The following TPTE2 variants were observed in gnomAD, a reference collection of about 807,000 sequenced individuals.
TPTE2 encodes the protein transmembrane phosphoinositide 3-phosphatase and tensin homolog 2.
TPTE2 carries 53 observed loss-of-function variants against 78.6 expected under a neutral mutation model. The observed-to-expected ratio is 0.67, with a 90% CI of 0.54 to 0.85. The LOEUF (loss-of-function observed/expected upper bound fraction) is 0.85. Among genes scored for constraint, TPTE2 ranks in the 40% least tolerant of loss-of-function variants. The pLI is 0.00. For synonymous variants in TPTE2, 175 were observed against 206.2 expected (o/e 0.85, Z 1.30); for missense variants, 461 against 623.0 (o/e 0.74, Z 2.77).
chr13:19,554,064 T>C, the TPTE2 span, among the ~76,000 whole-genome samples: 1 of 152,174 alleles, frequency 6.6e-6, no homozygotes, highest in East Asian at 1.9e-4. Context: ...TTTTTCTGTG[T>C]GATCTCACTT....
chr13:19,503,154 C>G (rs1326205095), intron 1 of TPTE2, 70 bp downstream of exon 4: 8 of 1,603,926 alleles, frequency 5.0e-6, no homozygotes, highest in Middle Eastern at 1.7e-4. Context: ...TGTTTATGTG[C>G]CTGTGTGTGT....
chr13:19,458,439 C>T (rs1227382125), intron 10 of TPTE2: 2 of 401,688 alleles, frequency 5.0e-6, no homozygotes, highest in Admixed American at 2.8e-5. Context: ...GCTATCAAGT[C>T]TGCCCTTTCT....
At chr13:19,495,851 TTTG>T (rs1044711774) in intron 1 of TPTE2, among the ~76,000 whole-genome samples, 10 of 152,114 alleles carry the variant, frequency 6.6e-5, no homozygotes, top group Admixed American at 2.6e-4. Context: ...TTTTGTTTTT[TTTG>T]TTGTTGTTGT....
intron 1 of TPTE2, among the ~76,000 whole-genome samples, chr13:19,528,912 G>C (rs1870692267): frequency 6.6e-6 from 1 of 152,004 alleles, no homozygotes; most frequent in Non-Finnish European, 1.5e-5. Context: ...CTGAGGTCAG[G>C]AGTTCAAGAC....
chr13:19,445,927 T>C (rs914442573), intron 13 of TPTE2, among the ~76,000 whole-genome samples: 8 of 152,154 alleles, frequency 5.3e-5, no homozygotes, highest in African/African-American at 1.9e-4. Flanking sequence ...GGTGACAGAG[T>C]GAGACCTTAT....
intron 1 of TPTE2, 144 bp from the exon 5 acceptor site, chr13:19,493,645 C>T (rs2451097): frequency 1.3e-6 from 1 of 782,582 alleles, no homozygotes; most frequent in Non-Finnish European, 2.2e-6. Context: ...CCTGGAATGT[C>T]TATTTTTCTT....
At chr13:19,440,960 A>G (rs1593355584) in intron 13 of TPTE2, among the ~76,000 whole-genome samples, 1 of 149,026 alleles carries the variant, frequency 6.7e-6, no homozygotes. Flanking sequence ...GGTGGCAGGC[A>G]CTTGTAATCC....
At chr13:19,423,128 A>C in exon 20 of TPTE2, 1 of 1,611,750 alleles carries the variant, frequency 6.2e-7, no homozygotes, top group South Asian at 1.1e-5. Flanking sequence ...CTTTTTGTTT[A>C]TGTGGATTAT....
At chr13:19,435,872 A>T (rs1877047813) in intron 15 of TPTE2, among the ~76,000 whole-genome samples, 1 of 151,998 alleles carries the variant, frequency 6.6e-6, no homozygotes, top group Non-Finnish European at 1.5e-5. Context: ...AAAGACTTGG[A>T]TCTTTTTTAC....
chr13:19,496,260 C>T (rs527456271), intron 1 of TPTE2, among the ~76,000 whole-genome samples: 52 of 152,348 alleles, frequency 3.4e-4, no homozygotes, highest in African/African-American at 1.3e-3. Context: ...TTACCCTACA[C>T]ATCATACTTT....
intron 4 of TPTE2, among the ~76,000 whole-genome samples, chr13:19,477,691 G>C (rs1257050733): frequency 6.6e-6 from 1 of 152,222 alleles, no homozygotes; most frequent in Non-Finnish European, 1.5e-5. Flanking sequence ...ATGAAGGCAT[G>C]AAGAAGTGGC....
At chr13:19,522,627 T>C (rs1210838921) in intron 1 of TPTE2, among the ~76,000 whole-genome samples, 1 of 148,462 alleles carries the variant, frequency 6.7e-6, no homozygotes, top group South Asian at 2.1e-4. Flanking sequence ...TTCTTTTTTT[T>C]TTTTTTTTTC....
chr13:19,435,048 T>C (rs752391730), intron 15 of TPTE2, among the ~76,000 whole-genome samples: 5 of 152,254 alleles, frequency 3.3e-5, no homozygotes, highest in Middle Eastern at 3.2e-3. Flanking sequence ...TTGTAAACGC[T>C]ATAGGATAAA....
At position 19,438,225 on chromosome 13, in the gene TPTE2, C is replaced by T. The variant is rs536637829; in HGVS notation, c.974-72G>A. On this transcript the variant is annotated intron_variant, in intron 13 of 19. Coordinates refer to ENST00000400230, the Ensembl canonical transcript of TPTE2. ...TACACTCAGAAATATTCAAGGAGTG[C>T]ATTTTAACTTGATTTTCTTTCTTTT... 2.1e-5 allele frequency: 32 copies of T among 1,528,028 alleles called. No individual in the cohort carries two copies. The South Asian group carries it at 3.6e-4, about 17-fold the overall frequency. The allele number at this position is 1,528,028 out of a possible 1,614,324, so 94.7% of individuals were successfully genotyped here. A position where few individuals can be genotyped will look rare whatever the true frequency, so the allele number is the denominator to read the frequency against.
chr13:19,483,710 G>A (rs1880491551), intron 3 of TPTE2, among the ~76,000 whole-genome samples: 1 of 152,012 alleles, frequency 6.6e-6, no homozygotes, highest in Non-Finnish European at 1.5e-5. Flanking sequence ...GTTTCTTGAG[G>A]TAGAATTGTT....
intron 1 of TPTE2, among the ~76,000 whole-genome samples, chr13:19,497,450 T>A (rs1309522077): frequency 8.6e-6 from 1 of 116,822 alleles, no homozygotes; most frequent in Non-Finnish European, 1.9e-5. Flanking sequence ...CAGCTGGAGA[T>A]CTGAGAACGG....
intron 3 of TPTE2, among the ~76,000 whole-genome samples, chr13:19,489,562 G>T (rs924575008): frequency 6.7e-6 from 1 of 149,406 alleles, no homozygotes; most frequent in African/African-American, 2.5e-5. Flanking sequence ...CAGTGCTAAA[G>T]AATATATCTA....
At chr13:19,512,479 A>T (rs1045758502) in intron 1 of TPTE2, among the ~76,000 whole-genome samples, 1 of 152,122 alleles carries the variant, frequency 6.6e-6, no homozygotes, top group Non-Finnish European at 1.5e-5. Context: ...ACTTTTAAAC[A>T]TTTTTGGCAT....
intron 1 of TPTE2, among the ~76,000 whole-genome samples, chr13:19,529,720 C>T (rs532267014): frequency 1.6e-4 from 25 of 152,260 alleles, no homozygotes; most frequent in African/African-American, 5.8e-4. Context: ...ATCACCAATC[C>T]TTGGATTACT....
Sources: gnomAD v4.1 joint callset for allele counts (sites outside exome capture counted in the v4.1 genomes callset) on GRCh38, gnomAD v4.1.1 for gene constraint, MANE v1.5 for transcripts, NCBI Gene and HGNC (gene_info 2026-07-23, HGNC 2026-07-21) for gene names.